The following DYM variants were observed in gnomAD, a reference collection of about 807,000 sequenced individuals.
DYM encodes dymeclin, also known as dyggve-Melchior-Clausen syndrome protein.
DYM carries 78 observed loss-of-function variants against 93.1 expected under a neutral mutation model. The observed-to-expected ratio is 0.84, with a 90% CI of 0.70 to 1.01. The LOEUF (loss-of-function observed/expected upper bound fraction) is 1.01, where lower values mean the gene tolerates loss of function less well. Ranked by LOEUF, DYM falls within the 50% of genes least tolerant of loss-of-function variation. DYM has a pLI of 0.00. For missense variants in DYM, 789 were observed against 845.0 expected, an observed-to-expected ratio of 0.93 and a Z score of 0.82; for synonymous variants, 321 against 319.7, an observed-to-expected ratio of 1.00 and a Z score of -0.04.
At chr18:49,392,428 CAG>C (rs1341060159) in intron 2 of DYM, among the ~76,000 whole-genome samples, 2 of 151,982 alleles carry the variant, frequency 1.3e-5, no homozygotes, top group Non-Finnish European at 2.9e-5. Context: ...GAATGGAAAA[CAG>C]TACTTGTAAA....
At chr18:49,354,676 A>C (rs916964228) in intron 6 of DYM, among the ~76,000 whole-genome samples, 2 of 152,150 alleles carry the variant, frequency 1.3e-5, no homozygotes, top group African/African-American at 4.8e-5. Context: ...GCATATGAAG[A>C]GATGCTCAAC....
chr18:49,189,302 G>A (rs1219502140), intron 14 of DYM, among the ~76,000 whole-genome samples: 1 of 152,108 alleles, frequency 6.6e-6, no homozygotes, highest in East Asian at 1.9e-4. Flanking sequence ...TCCCTGAATC[G>A]AAAATTTTTT....
intron 8 of DYM, among the ~76,000 whole-genome samples, chr18:49,327,529 G>T (rs1042138857): frequency 1.3e-5 from 2 of 151,788 alleles, no homozygotes; most frequent in Non-Finnish European, 2.9e-5. Flanking sequence ...GCTAATTTTT[G>T]TGTTTTTTAT....
intron 8 of DYM, among the ~76,000 whole-genome samples, chr18:49,290,205 A>G (rs2060022849): frequency 6.6e-6 from 1 of 152,092 alleles, no homozygotes; most frequent in African/African-American, 2.4e-5. Flanking sequence ...ATGGTGACAT[A>G]AACTATGGTT....
intron 17 of DYM, among the ~76,000 whole-genome samples, chr18:49,052,691 G>A (rs957998618): frequency 5.3e-5 from 8 of 152,190 alleles, no homozygotes; most frequent in Admixed American, 2.0e-4. Flanking sequence ...TCTTAACTCC[G>A]ACATCCGTCT....
At chr18:49,122,174 T>C (rs781119241) in intron 15 of DYM, among the ~76,000 whole-genome samples, 4 of 152,164 alleles carry the variant, frequency 2.6e-5, no homozygotes, top group Non-Finnish European at 5.9e-5. Flanking sequence ...AGATGTGTTA[T>C]ATATGGGTAC....
chr18:49,292,217 G>A (rs1311114669), intron 8 of DYM, among the ~76,000 whole-genome samples: 1 of 151,878 alleles, frequency 6.6e-6, no homozygotes, highest in Non-Finnish European at 1.5e-5. Context: ...TTTCCAAGAG[G>A]GCTGAGAAGC....
chr18:49,451,009 CA>C lies in DYM; in HGVS notation c.-54+9388del, dbSNP rs1221782563. Among the ~76,000 whole-genome samples the C allele has an allele frequency of 2.0e-5, 3 of 152,236 alleles. No individual in the cohort carries two copies. In the East Asian group the frequency reaches 5.8e-4, roughly 29 times the overall value. On this transcript the variant is annotated intron_variant, in intron 1 of 17. Coordinates refer to ENST00000675505, the MANE Select transcript of DYM (RefSeq NM_001353214.3). Reference sequence around the variant, plus strand: ...CAGGACTCATGAACTGAAATGTTCACAAATATCAAGCAAAACAAGAATTGAC... The same window carrying C: ...CAGGACTCATGAACTGAAATGTTCACAATATCAAGCAAAACAAGAATTGAC...
At chr18:49,081,525 AG>A (rs1368221433) in intron 17 of DYM, among the ~76,000 whole-genome samples, 22 of 1,534 alleles carry the variant, frequency 0.014, no homozygotes, top group African/African-American at 0.016. Context: ...CGAGAGGGAG[AG>A]GGGAGAGGGG....
At chr18:49,383,114 A>G (rs1226403248) in intron 3 of DYM, among the ~76,000 whole-genome samples, 3 of 152,224 alleles carry the variant, frequency 2.0e-5, no homozygotes, top group Non-Finnish European at 4.4e-5. Flanking sequence ...GAGGGAAAAG[A>G]AGAAAAAGAC....
At chr18:49,176,381 C>T (rs2089378284) in intron 14 of DYM, among the ~76,000 whole-genome samples, 1 of 151,894 alleles carries the variant, frequency 6.6e-6, no homozygotes, top group East Asian at 1.9e-4. Flanking sequence ...ATGCAAATTT[C>T]ATTTGTGTTT....
At chr18:49,205,336 A>T (rs2092416636) in intron 14 of DYM, among the ~76,000 whole-genome samples, 1 of 152,204 alleles carries the variant, frequency 6.6e-6, no homozygotes, top group African/African-American at 2.4e-5. Flanking sequence ...ATACAAATCT[A>T]GAGAAATGTG....
chr18:49,350,882 T>C (rs1599608369), intron 6 of DYM, among the ~76,000 whole-genome samples: 1 of 152,188 alleles, frequency 6.6e-6, no homozygotes, highest in Middle Eastern at 3.4e-3. Flanking sequence ...TATTACCTAT[T>C]AAAAATAAGT....
intron 14 of DYM, among the ~76,000 whole-genome samples, chr18:49,182,875 A>G (rs1330889690): frequency 1.3e-5 from 2 of 152,024 alleles, no homozygotes; most frequent in Non-Finnish European, 1.5e-5. Flanking sequence ...TGTTCTATAT[A>G]CTGTGTCTGT....
intron 11 of DYM, 33 bp from the exon 12 acceptor site, chr18:49,258,526 TG>T (rs1318779823): frequency 7.6e-7 from 1 of 1,322,482 alleles, no homozygotes; most frequent in East Asian, 2.3e-5. Flanking sequence ...AAGTAAAAAA[TG>T]ATTGCTTTAC....
intron 7 of DYM, among the ~76,000 whole-genome samples, chr18:49,332,282 G>A (rs2063363303): frequency 6.6e-6 from 1 of 152,048 alleles, no homozygotes. Context: ...AACAAGGTCT[G>A]GTAGAGACAA....
chr18:49,142,578 G>A (rs779748675), intron 15 of DYM, among the ~76,000 whole-genome samples: 4 of 152,120 alleles, frequency 2.6e-5, no homozygotes, highest in South Asian at 4.1e-4. Flanking sequence ...TCTCTTTCCA[G>A]ACAAAAAATT....
chr18:49,270,178 G>T (rs770017483), intron 11 of DYM, among the ~76,000 whole-genome samples: 1 of 152,146 alleles, frequency 6.6e-6, no homozygotes, highest in African/African-American at 2.4e-5. Flanking sequence ...TGATAAAATC[G>T]CCTAAGGACA....
intron 1 of DYM, among the ~76,000 whole-genome samples, chr18:49,459,854 G>A (rs2083330393): frequency 6.6e-6 from 1 of 150,950 alleles, no homozygotes; most frequent in Non-Finnish European, 1.5e-5. Context: ...GCGACTGAAA[G>A]TAGATCAATA....
Sources: gnomAD v4.1 joint callset for allele counts (sites outside exome capture counted in the v4.1 genomes callset) on GRCh38, gnomAD v4.1.1 for gene constraint, MANE v1.5 for transcripts, NCBI Gene and HGNC (gene_info 2026-07-23, HGNC 2026-07-21) for gene names.